Variants in NRG3 observed in about 807,000 individuals in gnomAD.
NRG3 encodes pro-neuregulin-3, membrane-bound isoform.
A neutral mutation model predicts 66.9 loss-of-function variants in NRG3; 31 were observed. That is an observed-to-expected ratio of 0.46 (90% CI 0.35 to 0.63). NRG3 has a LOEUF of 0.63. Among genes scored for constraint, NRG3 ranks in the 20% least tolerant of loss-of-function variants. NRG3 has a pLI of 0.00. For missense variants in NRG3, 910 were observed against 878.9 expected, an observed-to-expected ratio of 1.04 and a Z score of -0.45; for synonymous variants, 393 against 359.4, an observed-to-expected ratio of 1.09 and a Z score of -1.06.
intron 1 of NRG3, among the ~76,000 whole-genome samples, chr10:82,082,500 C>T (rs1362561425): frequency 3.3e-5 from 5 of 151,934 alleles, no homozygotes; most frequent in Non-Finnish European, 5.9e-5. Context: ...TGGAAATTTG[C>T]GGTTCATAAC....
At chr10:81,887,567 A>C (rs532492221) in intron 1 of NRG3, among the ~76,000 whole-genome samples, 1 of 152,276 alleles carries the variant, frequency 6.6e-6, no homozygotes, top group South Asian at 2.1e-4. Flanking sequence ...ACTGGATGCT[A>C]TAAGCCTCTC....
intron 3 of NRG3, among the ~76,000 whole-genome samples, chr10:82,830,492 G>A (rs1002025741): frequency 2.6e-5 from 4 of 152,170 alleles, no homozygotes; most frequent in East Asian, 1.9e-4. Context: ...TTTAGAAGGA[G>A]TAGAAAACTT....
intron 1 of NRG3, among the ~76,000 whole-genome samples, chr10:82,323,435 ATGT>A (rs2081684284): frequency 6.6e-6 from 1 of 151,878 alleles, no homozygotes; most frequent in African/African-American, 2.4e-5. Context: ...TTAATATTGC[ATGT>A]AAAATCTTCA....
At chr10:82,673,041 G>A (rs529838174) in intron 2 of NRG3, among the ~76,000 whole-genome samples, 15 of 152,298 alleles carry the variant, frequency 9.8e-5, no homozygotes, top group Admixed American at 2.6e-4. Flanking sequence ...GTGAGCCACC[G>A]TGCCCAGCCC....
chr10:82,643,298 A>G (rs976564762), intron 2 of NRG3, among the ~76,000 whole-genome samples: 1 of 151,984 alleles, frequency 6.6e-6, no homozygotes, highest in Non-Finnish European at 1.5e-5. Context: ...ATGAGATCTG[A>G]TGGTTTTAAA....
chr10:82,761,900 G>GTTC (rs2059318145), intron 3 of NRG3, among the ~76,000 whole-genome samples: 4 of 130,082 alleles, frequency 3.1e-5, no homozygotes, highest in African/African-American at 1.2e-4. Context: ...TCTTCCTTCC[G>GTTC]TTCTTTCTTC....
intron 6 of NRG3, among the ~76,000 whole-genome samples, chr10:82,964,956 A>G (rs1851061250): frequency 6.6e-6 from 1 of 152,186 alleles, no homozygotes. Flanking sequence ...TGCACCACCT[A>G]CAATGTGCTA....
At chr10:82,880,964 G>T (rs2136058288) in intron 4 of NRG3, among the ~76,000 whole-genome samples, 1 of 152,316 alleles carries the variant, frequency 6.6e-6, no homozygotes, top group Admixed American at 6.5e-5. Context: ...CTGAATTAGA[G>T]TTAATATGAG....
At chr10:82,679,238 T>G (rs2053938329) in intron 2 of NRG3, among the ~76,000 whole-genome samples, 1 of 152,234 alleles carries the variant, frequency 6.6e-6, no homozygotes, top group Non-Finnish European at 1.5e-5. Flanking sequence ...TCAAAAACTT[T>G]GTAGCCAAGG....
intron 2 of NRG3, among the ~76,000 whole-genome samples, chr10:82,396,233 T>C (rs2086706911): frequency 6.6e-6 from 1 of 151,854 alleles, no homozygotes; most frequent in Non-Finnish European, 1.5e-5. Context: ...CTCTGGAACA[T>C]TTTTTTTCAT....
At chr10:82,792,393 A>G (rs751504590) in intron 3 of NRG3, among the ~76,000 whole-genome samples, 2 of 152,144 alleles carry the variant, frequency 1.3e-5, no homozygotes, top group Non-Finnish European at 2.9e-5. Context: ...TTTAATTTGT[A>G]TCTTTAATTC....
chr10:82,237,229 A>G (rs2076797347), intron 1 of NRG3, among the ~76,000 whole-genome samples: 1 of 152,120 alleles, frequency 6.6e-6, no homozygotes, highest in South Asian at 2.1e-4. Flanking sequence ...TTTTAAGACC[A>G]AATTATTTTC....
intron 1 of NRG3, among the ~76,000 whole-genome samples, chr10:82,319,681 G>A (rs574599557): frequency 6.6e-6 from 1 of 152,292 alleles, no homozygotes; most frequent in East Asian, 1.9e-4. Flanking sequence ...AGCACCCAGA[G>A]GCAGTCTTTC....
At chr10:82,150,528 C>CAAAAAAAAAAAAAAAA (rs1264827514) in intron 1 of NRG3, among the ~76,000 whole-genome samples, 5 of 51,724 alleles carry the variant, frequency 9.7e-5, no homozygotes, top group Non-Finnish European at 1.1e-4. Flanking sequence ...AAAGAGCACA[C>CAAAAAAAAAAAAAAAA]ACAAAAAAAA....
intron 1 of NRG3, among the ~76,000 whole-genome samples, chr10:82,121,595 T>TA (rs1416797259): frequency 6.6e-6 from 1 of 152,060 alleles, no homozygotes; most frequent in Non-Finnish European, 1.5e-5. Context: ...GATGACATGT[T>TA]AGAGTTTTGG....
At chr10:82,037,472 G>A (rs1410859936) in intron 1 of NRG3, among the ~76,000 whole-genome samples, 5 of 152,158 alleles carry the variant, frequency 3.3e-5, no homozygotes, top group Non-Finnish European at 7.4e-5. Flanking sequence ...AAGAGAGGCT[G>A]TATCCTGTCC....
At chr10:82,154,704 G>A (rs367734875) in intron 1 of NRG3, among the ~76,000 whole-genome samples, 18 of 151,668 alleles carry the variant, frequency 1.2e-4, no homozygotes, top group Admixed American at 3.9e-4. Flanking sequence ...CCATAAGCAC[G>A]GGATTTCTTT....
chr10:82,019,653 G>C lies in NRG3; in HGVS notation c.823+143490G>C, dbSNP rs371758695. 3.9e-5 allele frequency among the ~76,000 whole-genome samples: 6 copies of C among 152,110 alleles called. No individual in the cohort carries two copies. The East Asian group carries it at 1.2e-3, about 29-fold the overall frequency. Reference sequence around the variant, plus strand: ...TTATTAAGAGATTCAGCTTCTTCCTGGTTTAGTCTTGGGAGGGTGTATGTG... The same window carrying C: ...TTATTAAGAGATTCAGCTTCTTCCTCGTTTAGTCTTGGGAGGGTGTATGTG... On this transcript the variant is annotated intron_variant, in intron 1 of 8. Transcript: ENST00000372141.
At chr10:82,959,135 G>A in intron 6 of NRG3, 60 bp downstream of exon 6, 1 of 1,484,704 alleles carries the variant, frequency 6.7e-7, no homozygotes, top group East Asian at 2.4e-5. Context: ...CAGCTCAGAG[G>A]TGTTGGGAGC....
Sources: allele counts gnomAD v4.1 joint callset (sites outside exome capture counted in the v4.1 genomes callset), GRCh38; gene constraint gnomAD v4.1.1; transcripts MANE v1.5; gene names NCBI Gene and HGNC (gene_info 2026-07-23, HGNC 2026-07-21).